NCR2: variants seen among roughly 807,000 people sequenced by gnomAD.
NCR2 encodes the protein NK cell activating receptor (NKp44).
NCR2 carries 35 observed loss-of-function variants against 30.7 expected under a neutral mutation model. The observed-to-expected ratio is 1.14, with a 90% CI of 0.87 to 1.51. The LOEUF (loss-of-function observed/expected upper bound fraction) is 1.51, where lower values mean the gene tolerates loss of function less well. Ranked by LOEUF, NCR2 falls within the 40% of genes most tolerant of loss-of-function variation. NCR2 has a pLI of 0.00. For synonymous variants in NCR2, 146 were observed against 134.8 expected (o/e 1.08, Z -0.58); for missense variants, 316 against 328.9 (o/e 0.96, Z 0.30).
chr6:41,346,219 T>C (rs1401709051), intron 4 of NCR2, among the ~76,000 whole-genome samples: 4 of 152,162 alleles, frequency 2.6e-5, no homozygotes, highest in African/African-American at 9.7e-5. Flanking sequence ...GTAGACAAGA[T>C]CTACATGAAT....
chr6:41,338,616 G>T (rs1032792485), intron 2 of NCR2, among the ~76,000 whole-genome samples: 1 of 152,192 alleles, frequency 6.6e-6, no homozygotes, highest in Non-Finnish European at 1.5e-5. Context: ...TAAGCTAAAA[G>T]ATACAGAATT....
chr6:41,337,483 CA>C (rs2114047895), intron 2 of NCR2, among the ~76,000 whole-genome samples: 1 of 152,326 alleles, frequency 6.6e-6, no homozygotes, highest in African/African-American at 2.4e-5. Flanking sequence ...ATGCACCCTT[CA>C]AACAAACACC....
intron 4 of NCR2, chr6:41,342,895 T>G: frequency 6.5e-7 from 1 of 1,538,904 alleles, no homozygotes; most frequent in Non-Finnish European, 8.8e-7. Context: ...AGTCACTTCA[T>G]GTATTTCTCC....
chr6:41,338,465 C>A (rs891345029), intron 2 of NCR2, among the ~76,000 whole-genome samples: 1 of 152,174 alleles, frequency 6.6e-6, no homozygotes, highest in Non-Finnish European at 1.5e-5. Context: ...CCCAAGACTT[C>A]TTAACCTGGA....
intron 4 of NCR2, among the ~76,000 whole-genome samples, chr6:41,345,688 A>T (rs942507665): frequency 2.0e-5 from 3 of 152,014 alleles, no homozygotes; most frequent in Admixed American, 6.6e-5. Flanking sequence ...GATGCCCAGG[A>T]TGCCCTGGTC....
At chr6:41,348,779 CT>C (rs1165110630) in intron 4 of NCR2, among the ~76,000 whole-genome samples, 4 of 152,096 alleles carry the variant, frequency 2.6e-5, no homozygotes, top group Admixed American at 6.5e-5. Flanking sequence ...CTGTCATTCT[CT>C]TAAAAAAAAT....
chr6:41,342,002 C>T (rs373814560), intron 3 of NCR2, 34 bp from the exon 4 acceptor site: 54 of 1,613,470 alleles, frequency 3.3e-5, no homozygotes, highest in South Asian at 6.6e-5. Flanking sequence ...CTCCCCAGCC[C>T]GTCCTCTCCC....
chr6:41,347,670 G>T (rs552140964), intron 4 of NCR2, among the ~76,000 whole-genome samples: 1 of 152,312 alleles, frequency 6.6e-6, no homozygotes, highest in South Asian at 2.1e-4. Flanking sequence ...TAATAAATTA[G>T]CCCCAAAACG....
chr6:41,348,131 C>T (rs942873332), intron 4 of NCR2, among the ~76,000 whole-genome samples: 14 of 152,194 alleles, frequency 9.2e-5, no homozygotes, highest in South Asian at 2.1e-4. Flanking sequence ...TTAAAGAATT[C>T]GTGCCTGTAT....
chr6:41,344,019 C>T (rs1581663835), intron 4 of NCR2, among the ~76,000 whole-genome samples: 1 of 152,278 alleles, frequency 6.6e-6, no homozygotes, highest in South Asian at 2.1e-4. Flanking sequence ...TATTGTGCCT[C>T]CTCCCCCTTT....
chr6:41,348,205 T>C (rs1034955001), intron 4 of NCR2, among the ~76,000 whole-genome samples: 1 of 152,128 alleles, frequency 6.6e-6, no homozygotes, highest in African/African-American at 2.4e-5. Flanking sequence ...CATGCAAAAA[T>C]ACACTCAGTC....
chr6:41,341,915 C>T lies in NCR2; in HGVS notation c.516C>T (p.Ile172=). 6.2e-7 allele frequency: 1 copy of T among 1,614,080 alleles called. No individual in the cohort carries two copies. The highest frequency in any genetic ancestry group is 2.2e-5 in the East Asian group (1 of 44,886). The change falls in exon 3 of 5, where the codon ATC becomes ATT. Residue 172 remains isoleucine (I), a synonymous_variant. Coordinates refer to ENST00000373089, the MANE Select transcript of NCR2 (RefSeq NM_004828.4). ...AAGCCCCTGAGTCTCCATCTACCAT[C>T]CCTGTCCCTTCACAGTGAGTTTCGG... is the stretch of plus-strand genomic sequence containing the variant. ...ARQAPESPST[I]PVPSQPQNST... is the part of the protein sequence containing the mutation.
intron 4 of NCR2, among the ~76,000 whole-genome samples, chr6:41,345,326 C>A (rs1769276109): frequency 6.6e-6 from 1 of 152,170 alleles, no homozygotes; most frequent in South Asian, 2.1e-4. Flanking sequence ...TGACTTCCCT[C>A]TTATTCCCCC....
Position 41,336,268 on chromosome 6 carries a change from C to T in NCR2, c.234C>T (p.Thr78=), listed in dbSNP as rs769293728. The T allele has an allele frequency of 1.2e-6, 2 of 1,614,168 alleles. No homozygotes were observed. The highest frequency in any genetic ancestry group is 1.7e-6 in the Non-Finnish European group (2 of 1,180,046). Residue 78 remains threonine (T), a synonymous_variant, in exon 2 of 5, where the codon ACC becomes ACT. Coordinates refer to ENST00000373089, the MANE Select transcript of NCR2 (RefSeq NM_004828.4). ...CCAAGCCCAGGACGATGGCTTGGAC[C>T]TCTCGATTCACAATCTGGGACGACC... ...TSSKPRTMAW[T]SRFTIWDDPD...
Position 41,342,995 on chromosome 6 carries a change from G to T in NCR2, c.644+846G>T, listed in dbSNP as rs747726992. The T allele has an allele frequency of 1.4e-5, 21 of 1,550,612 alleles. No individual in the cohort carries two copies. In the South Asian group the frequency reaches 2.5e-4, roughly 18 times the overall value. On this transcript the variant is annotated intron_variant, in intron 4 of 4. Transcript: ENST00000373089. The stretch of plus-strand genomic sequence containing the variant: ...GCTCAGCCCAGGCCCCAGGCCCATA[G>T]ACACTTCCCACTGAGCCACAGGGCA...
Position 41,335,841 on chromosome 6 carries a change from G to A in NCR2, c.-36G>A. 1 of 1,551,890 alleles carries A rather than the reference G, an allele frequency of 6.4e-7. No homozygotes were observed. The highest frequency in any genetic ancestry group is 8.7e-7 in the Non-Finnish European group (1 of 1,145,400). On this transcript the variant is annotated 5_prime_UTR_variant, in exon 1 of 5. In the 5' UTR this introduces an upstream ATG that the reference lacks. Coordinates refer to ENST00000373089, the MANE Select transcript of NCR2 (RefSeq NM_004828.4). ...ATTCCCTCTCCCCAGTCTTCTCCAG[G>A]TGTCCCCTCCCATGAGCGCACAGGA...
intron 2 of NCR2, 89 bp from the exon 3 acceptor site, chr6:41,341,705 C>G: frequency 6.8e-7 from 1 of 1,477,856 alleles, no homozygotes; most frequent in South Asian, 1.3e-5. Flanking sequence ...TGTTCCCAGT[C>G]TGGTCCAACT....
intron 4 of NCR2, among the ~76,000 whole-genome samples, 175 bp from the exon 5 acceptor site, chr6:41,350,503 G>C (rs1387169228): frequency 1.3e-5 from 2 of 152,250 alleles, no homozygotes; most frequent in Non-Finnish European, 2.9e-5. Flanking sequence ...CAAAATCCAT[G>C]CATGCTCACT....
chr6:41,338,535 C>T (rs1769087823), intron 2 of NCR2, among the ~76,000 whole-genome samples: 1 of 152,176 alleles, frequency 6.6e-6, no homozygotes, highest in Non-Finnish European at 1.5e-5. Context: ...TAAAACTTAA[C>T]CCCAAACCAC....
Sources: gnomAD v4.1 joint callset for allele counts (sites outside exome capture counted in the v4.1 genomes callset) on GRCh38, gnomAD v4.1.1 for gene constraint, MANE v1.5 for transcripts, NCBI Gene and HGNC (gene_info 2026-07-23, HGNC 2026-07-21) for gene names.